The following RIPOR2 variants were observed in gnomAD, a reference collection of about 807,000 sequenced individuals.
RIPOR2 encodes RHO family interacting cell polarization regulator 2.
Under a neutral mutation model 114.5 loss-of-function variants are expected in RIPOR2, and 39 were observed. That is an observed-to-expected ratio of 0.34 (90% confidence interval 0.26 to 0.44). The LOEUF is 0.44. RIPOR2 is among the 20% of genes least tolerant of loss of function. The probability of loss-of-function intolerance (pLI) is 1.00; values close to 1 mark genes in which losing one functional copy is unlikely to be tolerated. For missense variants in RIPOR2, 1,007 were observed against 1,255.1 expected (o/e 0.80, Z 2.99); for synonymous variants, 445 against 484.4 (o/e 0.92, Z 1.07).
intron 1 of RIPOR2, among the ~76,000 whole-genome samples, chr6:25,013,088 T>G (rs1306973579): frequency 6.6e-6 from 1 of 151,800 alleles, no homozygotes; most frequent in Admixed American, 6.6e-5. Flanking sequence ...TGGCACACTG[T>G]GTTCATTAGA....
At chr6:24,832,514 C>T in intron 15 of RIPOR2, 123 bp from the exon 16 acceptor site, 1 of 837,188 alleles carries the variant, frequency 1.2e-6, no homozygotes, top group Non-Finnish European at 1.9e-6. Context: ...GTTTTTCTTC[C>T]AGCTCGATAA....
At chr6:25,008,177 C>T (rs922669735) in intron 1 of RIPOR2, among the ~76,000 whole-genome samples, 1 of 150,720 alleles carries the variant, frequency 6.6e-6, no homozygotes, top group African/African-American at 2.5e-5. Context: ...GTGAAAGGGA[C>T]TTTGCAGATA....
chr6:24,843,192 G>T lies in RIPOR2; in HGVS notation c.1527C>A (p.His509Gln). The T allele has an allele frequency of 6.2e-7, 1 of 1,614,006 alleles. No homozygotes were observed. The highest frequency in any genetic ancestry group is 8.5e-7 in the Non-Finnish European group (1 of 1,179,882). The part of the protein sequence containing the change: ...RRQSSGAGAE[H>Q]LFLENDVAEA... ...CTGCAACATCATTCTCAAGGAACAG[G>T]TGCTCAGCCCCAGCACCTGAGGACT... The change falls in exon 13 of 22, where the codon CAC becomes CAA. Residue 509 changes from histidine to glutamine, a missense_variant. Transcript: ENST00000643898.
At chr6:24,963,333 G>T (rs979701686) in intron 1 of RIPOR2, among the ~76,000 whole-genome samples, 1 of 152,092 alleles carries the variant, frequency 6.6e-6, no homozygotes, top group African/African-American at 2.4e-5. Flanking sequence ...ATGCCTGGTC[G>T]CATGTGTTTA....
intron 19 of RIPOR2, among the ~76,000 whole-genome samples, chr6:24,824,492 T>C (rs1223613018): frequency 3.9e-5 from 6 of 152,218 alleles, no homozygotes; most frequent in Admixed American, 6.5e-5. Context: ...TGATGAGAGT[T>C]AGTTTTTAGA....
At chr6:24,886,001 G>T (rs1430768824) in intron 1 of RIPOR2, among the ~76,000 whole-genome samples, 3 of 152,280 alleles carry the variant, frequency 2.0e-5, no homozygotes, top group African/African-American at 7.2e-5. Flanking sequence ...TTACAAAAAA[G>T]ATTTTGATTT....
At chr6:24,999,000 A>G (rs1775175151) in intron 1 of RIPOR2, among the ~76,000 whole-genome samples, 2 of 152,210 alleles carry the variant, frequency 1.3e-5, no homozygotes, top group Non-Finnish European at 2.9e-5. Flanking sequence ...GTGACTCCAC[A>G]TAGCACTGAA....
intron 1 of RIPOR2, among the ~76,000 whole-genome samples, chr6:24,970,541 G>A (rs1432210806): frequency 6.6e-6 from 1 of 152,170 alleles, no homozygotes; most frequent in Non-Finnish European, 1.5e-5. Flanking sequence ...GGAGGAACCC[G>A]AGAATACGGT....
chr6:24,838,962 C>T, intron 14 of RIPOR2, 129 bp downstream of exon 14: 1 of 681,970 alleles, frequency 1.5e-6, no homozygotes, highest in African/African-American at 1.8e-5. Context: ...AACTGTAAGC[C>T]AACTGGTCAC....
intron 1 of RIPOR2, among the ~76,000 whole-genome samples, chr6:24,884,288 A>G (rs2113940191): frequency 1.3e-5 from 2 of 152,272 alleles, no homozygotes; most frequent in East Asian, 1.9e-4. Flanking sequence ...GGGTGCCTGT[A>G]GTCCCAGCTA....
rs376308425 is a variant in RIPOR2 at position 24,850,617 on chromosome 6, C to A, written c.865G>T (p.Val289Phe). The change falls in exon 10 of 22, where the codon GTT becomes TTT. Residue 289 changes from valine to phenylalanine, a missense_variant. Val to Phe is a conservative substitution (Grantham distance 50). Coordinates refer to ENST00000643898, the MANE Select transcript of RIPOR2 (RefSeq NM_001286445.3). Reference protein sequence around the residue: ...GEETVFLPLIVGFISIKVTEL... With the variant: ...GEETVFLPLIFGFISIKVTEL... ...TGTACCTTGATGGAGATGAACCCAACTATCAGGGGCAGAAAAACTGTTTCT... is the reference window on the plus strand; with the variant it reads ...TGTACCTTGATGGAGATGAACCCAAATATCAGGGGCAGAAAAACTGTTTCT... 2.5e-6 allele frequency: 4 copies of A among 1,613,932 alleles called. No individual in the cohort carries two copies. In the Admixed American group the frequency reaches 5.0e-5, roughly 20 times the overall value.
chr6:24,923,572 C>T (rs536503196), intron 1 of RIPOR2, among the ~76,000 whole-genome samples: 53 of 152,160 alleles, frequency 3.5e-4, no homozygotes, highest in Admixed American at 7.2e-4. Context: ...AGGCTGGGCG[C>T]GGCGGCTCAC....
At chr6:24,859,905 A>T (rs904353004) in intron 8 of RIPOR2, among the ~76,000 whole-genome samples, 1 of 152,192 alleles carries the variant, frequency 6.6e-6, no homozygotes, top group Non-Finnish European at 1.5e-5. Flanking sequence ...GAAACCTCAG[A>T]ATTGCATAAG....
intron 1 of RIPOR2, among the ~76,000 whole-genome samples, chr6:25,010,681 T>C (rs1276895172): frequency 6.6e-6 from 1 of 152,206 alleles, no homozygotes; most frequent in Admixed American, 6.5e-5. Flanking sequence ...GCCTGTGCTA[T>C]AGATCCTATA....
At chr6:25,005,738 T>C (rs3915529) in intron 1 of RIPOR2, among the ~76,000 whole-genome samples, 11,508 of 69,906 alleles carry the variant, frequency 0.16, 1,549 homozygotes, top group African/African-American at 0.25. Flanking sequence ...TATATATATA[T>C]ATACATTTAC....
chr6:25,012,346 C>T (rs1281868628), intron 1 of RIPOR2, among the ~76,000 whole-genome samples: 1 of 152,128 alleles, frequency 6.6e-6, no homozygotes, highest in Non-Finnish European at 1.5e-5. Flanking sequence ...TATGGAATTA[C>T]CATATGATCC....
intron 6 of RIPOR2, among the ~76,000 whole-genome samples, chr6:24,866,540 G>A (rs1764622860): frequency 7.5e-6 from 1 of 134,032 alleles, no homozygotes; most frequent in South Asian, 2.3e-4. Context: ...TTTTTTTTGA[G>A]ATGAGGTCTT....
intron 1 of RIPOR2, among the ~76,000 whole-genome samples, chr6:24,981,230 A>G (rs536502281): frequency 6.6e-6 from 1 of 152,346 alleles, no homozygotes; most frequent in South Asian, 2.1e-4. Flanking sequence ...TATCAACCCA[A>G]ACAAATATTT....
chr6:24,852,234 C>A (rs1160070084), intron 9 of RIPOR2, among the ~76,000 whole-genome samples: 3 of 151,886 alleles, frequency 2.0e-5, no homozygotes, highest in African/African-American at 7.3e-5. Flanking sequence ...TGCACTCCAG[C>A]CTGGGCAACA....
Sources: allele counts gnomAD v4.1 joint callset (sites outside exome capture counted in the v4.1 genomes callset), GRCh38; gene constraint gnomAD v4.1.1; transcripts MANE v1.5; gene names NCBI Gene and HGNC (gene_info 2026-07-23, HGNC 2026-07-21).